Variants in GPC5 observed in about 807,000 individuals in gnomAD.
The protein encoded by GPC5 is glypican-5.
In GPC5, 47 loss-of-function variants were observed where a neutral mutation model predicts 53.9. The ratio of observed to expected loss-of-function variants is 0.87; its 90% confidence interval spans 0.69 to 1.11. GPC5 has a LOEUF of 1.11. GPC5 is among the 50% of genes most tolerant of loss of function. The probability of loss-of-function intolerance (pLI) is 0.00; values close to 1 mark genes in which losing one functional copy is unlikely to be tolerated. For synonymous variants in GPC5, 286 were observed against 263.3 expected, an observed-to-expected ratio of 1.09 and a Z score of -0.84; for missense variants, 748 against 713.1, an observed-to-expected ratio of 1.05 and a Z score of -0.56.
chr13:92,295,522 T>C (rs1384597404), intron 7 of GPC5, among the ~76,000 whole-genome samples: 1 of 152,196 alleles, frequency 6.6e-6, no homozygotes, highest in Non-Finnish European at 1.5e-5. Context: ...TGACTTTCTG[T>C]CTTGATGACC....
intron 7 of GPC5, among the ~76,000 whole-genome samples, chr13:92,460,752 G>T (rs923708008): frequency 3.3e-5 from 5 of 152,164 alleles, no homozygotes; most frequent in Admixed American, 6.5e-5. Flanking sequence ...CAGGCCAGAA[G>T]AAGACTTAAT....
intron 7 of GPC5, among the ~76,000 whole-genome samples, chr13:92,178,868 G>A (rs944973165): frequency 4.6e-5 from 7 of 152,050 alleles, no homozygotes; most frequent in Middle Eastern, 3.2e-3. Flanking sequence ...CTACTCAGGA[G>A]GCTGAAGCAG....
At chr13:92,662,331 G>T (rs553335329) in intron 7 of GPC5, among the ~76,000 whole-genome samples, 30 of 152,244 alleles carry the variant, frequency 2.0e-4, no homozygotes, top group African/African-American at 7.2e-4. Context: ...CTTGCATACT[G>T]CTACTTCCAT....
intron 7 of GPC5, among the ~76,000 whole-genome samples, chr13:92,540,711 C>T (rs1331845771): frequency 6.6e-6 from 1 of 151,822 alleles, no homozygotes; most frequent in Non-Finnish European, 1.5e-5. Context: ...TACATATGCC[C>T]TCTATACAAA....
chr13:92,279,723 T>C (rs1428636674), intron 7 of GPC5, among the ~76,000 whole-genome samples: 1 of 152,082 alleles, frequency 6.6e-6, no homozygotes, highest in African/African-American at 2.4e-5. Flanking sequence ...GTTACATTGA[T>C]TACTTTTCTT....
intron 7 of GPC5, among the ~76,000 whole-genome samples, chr13:92,727,553 C>T (rs1328630163): frequency 1.3e-5 from 2 of 151,240 alleles, no homozygotes; most frequent in Non-Finnish European, 3.0e-5. Flanking sequence ...CTCACAAGCT[C>T]GATAATAATA....
At chr13:92,859,058 A>T (rs920659568) in intron 7 of GPC5, among the ~76,000 whole-genome samples, 3 of 152,184 alleles carry the variant, frequency 2.0e-5, no homozygotes, top group African/African-American at 7.2e-5. Flanking sequence ...TGGACAGCAA[A>T]GCAAAACCCC....
At chr13:92,462,679 G>T (rs1878536963) in intron 7 of GPC5, among the ~76,000 whole-genome samples, 1 of 151,778 alleles carries the variant, frequency 6.6e-6, no homozygotes, top group Non-Finnish European at 1.5e-5. Flanking sequence ...CCACAGGACT[G>T]GGAGAGATCT....
intron 7 of GPC5, among the ~76,000 whole-genome samples, chr13:92,630,285 G>T (rs936590542): frequency 4.6e-5 from 7 of 151,908 alleles, no homozygotes; most frequent in African/African-American, 1.7e-4. Flanking sequence ...GGCAGAAAAT[G>T]GAACAGAAAG....
intron 5 of GPC5, among the ~76,000 whole-genome samples, chr13:91,779,743 A>T (rs2037769200): frequency 6.6e-6 from 1 of 152,200 alleles, no homozygotes. Flanking sequence ...AGAATGATCA[A>T]TATCAGTGTC....
intron 7 of GPC5, among the ~76,000 whole-genome samples, chr13:92,429,896 A>G (rs1432835660): frequency 1.3e-5 from 2 of 152,138 alleles, no homozygotes; most frequent in African/African-American, 4.8e-5. Flanking sequence ...AACAAATTCA[A>G]GAGATCTATT....
intron 7 of GPC5, among the ~76,000 whole-genome samples, chr13:92,461,870 T>C (rs1216247518): frequency 6.6e-6 from 1 of 152,188 alleles, no homozygotes; most frequent in Non-Finnish European, 1.5e-5. Context: ...GGTAATTTGT[T>C]ACAACAGCCT....
At chr13:92,768,614 C>G (rs1219628727) in intron 7 of GPC5, among the ~76,000 whole-genome samples, 1 of 152,084 alleles carries the variant, frequency 6.6e-6, no homozygotes, top group East Asian at 1.9e-4. Flanking sequence ...AATGAAAAAT[C>G]TTTCCCCCAT....
At chr13:91,621,320 A>G (rs1253253157) in intron 2 of GPC5, among the ~76,000 whole-genome samples, 2 of 152,104 alleles carry the variant, frequency 1.3e-5, no homozygotes, top group African/African-American at 4.8e-5. Flanking sequence ...ATCTGATAAC[A>G]GCACACATAT....
chr13:91,930,212 G>T (rs2039808747), intron 6 of GPC5, among the ~76,000 whole-genome samples: 1 of 151,970 alleles, frequency 6.6e-6, no homozygotes, highest in Non-Finnish European at 1.5e-5. Flanking sequence ...TAATCTTACT[G>T]TTTGGTTGTA....
intron 2 of GPC5, among the ~76,000 whole-genome samples, chr13:91,681,846 G>T (rs1481501645): frequency 6.6e-6 from 1 of 152,048 alleles, no homozygotes; most frequent in Admixed American, 6.6e-5. Flanking sequence ...TGAAAAGAAC[G>T]ATTTCAATAG....
In GPC5 at chr13:92,427,329, C is replaced by T. The variant is rs529749209; in HGVS notation, c.1561+282340C>T. On this transcript the variant is annotated intron_variant, in intron 7 of 7. Transcript: ENST00000377067. ...TTGCAGTTGACTGGTAAATAACATA[C>T]GAGATAACTGGCTCTCCCAGAAAAT... Among the ~76,000 whole-genome samples the T allele has an allele frequency of 4.8e-4, 71 of 148,614 alleles. 1 individual carries two copies. The highest frequency in any genetic ancestry group is 2.8e-3 in the South Asian group (13 of 4,576).
chr13:92,097,085 A>C lies in GPC5; in HGVS notation c.1402-47745A>C, dbSNP rs1166229490. On this transcript the variant is annotated intron_variant, in intron 6 of 7. Transcript: ENST00000377067. ...GACTGTCTTAGACGTATGAATGTTC[A>C]AGGATATGCTGGTGAGGTCTCAGAA... 3.3e-5 allele frequency among the ~76,000 whole-genome samples: 5 copies of C among 152,334 alleles called. No homozygotes were observed. The South Asian group carries it at 6.2e-4, about 19-fold the overall frequency.
intron 6 of GPC5, among the ~76,000 whole-genome samples, chr13:91,946,836 C>T (rs2039978948): frequency 6.6e-6 from 1 of 151,930 alleles, no homozygotes; most frequent in South Asian, 2.1e-4. Flanking sequence ...TACCTTAGGC[C>T]ATAGGATATA....
Sources: allele counts gnomAD v4.1 joint callset (sites outside exome capture counted in the v4.1 genomes callset), GRCh38; gene constraint gnomAD v4.1.1; transcripts MANE v1.5; gene names NCBI Gene and HGNC (gene_info 2026-07-23, HGNC 2026-07-21).